Variants in IFRD1 observed in about 807,000 individuals in gnomAD.
IFRD1 encodes the protein interferon-related developmental regulator 1.
Under a neutral mutation model 52.9 loss-of-function variants are expected in IFRD1, and 35 were observed. That is an observed-to-expected ratio of 0.66 (90% confidence interval 0.51 to 0.88). The LOEUF (loss-of-function observed/expected upper bound fraction) is 0.88, where lower values mean the gene tolerates loss of function less well. Ranked by LOEUF, IFRD1 falls within the 40% of genes least tolerant of loss-of-function variation. The pLI, the probability that IFRD1 is intolerant of heterozygous loss-of-function variation, is 0.00. For synonymous variants in IFRD1, 184 were observed against 188.4 expected (o/e 0.98, Z 0.19); for missense variants, 517 against 550.8 (o/e 0.94, Z 0.61).
rs771377778 is a variant in IFRD1 at position 112,450,788 on chromosome 7, G to C, written c.94+6G>C. 88 of 1,603,136 alleles carry C rather than the reference G, an allele frequency of 5.5e-5. No homozygotes were observed. The highest frequency in any genetic ancestry group is 3.3e-4 in the Middle Eastern group (2 of 6,064). ...AGCGACGGCGGCGACAGCAGGTAAG[G>C]GGTATCCCCGCCGCCGGCATCCCAG... On this transcript the variant is annotated splice_donor_region_variant and intron_variant, in intron 1 of 11. Transcript: ENST00000403825.
Position 112,461,849 on chromosome 7 carries a change from T to C in IFRD1, c.568-17T>C. 1.5e-6 allele frequency: 2 copies of C among 1,310,526 alleles called. No homozygotes were observed. The highest frequency in any genetic ancestry group is 1.2e-5 in the South Asian group (1 of 81,008). The allele number at this position is 1,310,526 out of a possible 1,614,324, so 81.2% of individuals were successfully genotyped here. ...ATAAAATCATTAATGTCTATATATA[T>C]ATATTTTTTTTTTTAGTGTGCAACT... On this transcript the variant is annotated splice_polypyrimidine_tract_variant and intron_variant, in intron 5 of 11. Transcript: ENST00000403825.
intron 3 of IFRD1, among the ~76,000 whole-genome samples, chr7:112,456,382 A>T (rs143773207): frequency 6.6e-6 from 1 of 152,322 alleles, no homozygotes; most frequent in Non-Finnish European, 1.5e-5. Flanking sequence ...TTATAATAGA[A>T]ATGAATTTGT....
chr7:112,441,207 G>A (rs775551249), intron 1 of IFRD1, among the ~76,000 whole-genome samples: 2 of 152,038 alleles, frequency 1.3e-5, no homozygotes, highest in Non-Finnish European at 2.9e-5. Flanking sequence ...CCTGGGAGAC[G>A]GAGGTTGCAG....
intron 1 of IFRD1, among the ~76,000 whole-genome samples, chr7:112,436,148 C>G (rs915660343): frequency 6.6e-6 from 1 of 152,146 alleles, no homozygotes; most frequent in Non-Finnish European, 1.5e-5. Flanking sequence ...TCCCAAAGTG[C>G]TAGGATTACA....
chr7:112,475,573 T>C lies in IFRD1; in HGVS notation c.*54T>C. On this transcript the variant is annotated 3_prime_UTR_variant, in exon 12 of 12. Transcript: ENST00000403825. ...ATTTCTATTTTTTTTTCTATTTCAA[T>C]GTATTTAAACTCTAGACACAGTTTT... 8.9e-7 allele frequency: 1 copy of C among 1,119,022 alleles called. No homozygotes were observed. The highest frequency in any genetic ancestry group is 1.5e-5 in the African/African-American group (1 of 64,886). 69.3% of individuals were successfully genotyped at this position (1,119,022 alleles called of 1,614,324 possible).
At chr7:112,473,034 GT>G (rs1237954300) in intron 11 of IFRD1, among the ~76,000 whole-genome samples, 173 bp downstream of exon 11, 3 of 52,874 alleles carry the variant, frequency 5.7e-5, no homozygotes, top group Non-Finnish European at 1.8e-4. Context: ...GGGGGCGTGT[GT>G]GTGTGTGTGT....
chr7:112,467,845 C>A, intron 8 of IFRD1, 136 bp from the exon 9 acceptor site: 1 of 832,862 alleles, frequency 1.2e-6, no homozygotes, highest in Non-Finnish European at 2.0e-6. Flanking sequence ...TGTGCCTAGT[C>A]CCTAAATACC....
At chr7:112,472,052 A>G (rs1714386492) in intron 9 of IFRD1, among the ~76,000 whole-genome samples, 167 bp from the exon 10 acceptor site, 1 of 152,306 alleles carries the variant, frequency 6.6e-6, no homozygotes, top group East Asian at 1.9e-4. Flanking sequence ...ACACCCTTAC[A>G]TACAGGATAG....
chr7:112,424,176 T>G (rs985623446), intron 1 of IFRD1, among the ~76,000 whole-genome samples: 1 of 152,094 alleles, frequency 6.6e-6, no homozygotes, highest in Admixed American at 6.5e-5. Flanking sequence ...TGGTGTCTTA[T>G]CTACCCTGTG....
upstream of IFRD1, chr7:112,450,447 C>A: frequency 1.8e-6 from 1 of 558,980 alleles, no homozygotes; most frequent in South Asian, 2.0e-5. Flanking sequence ...GGCGTCGTGG[C>A]CTCCCCTGCC....
At chr7:112,451,292 C>A (rs922808757) in intron 1 of IFRD1, among the ~76,000 whole-genome samples, 2 of 152,146 alleles carry the variant, frequency 1.3e-5, no homozygotes, top group Non-Finnish European at 2.9e-5. Flanking sequence ...CCCGGGGTGA[C>A]GCAGAGGCGC....
intron 8 of IFRD1, among the ~76,000 whole-genome samples, chr7:112,466,837 A>G (rs1279293172): frequency 6.6e-6 from 1 of 152,158 alleles, no homozygotes; most frequent in Non-Finnish European, 1.5e-5. Context: ...TATAAATAAA[A>G]TTATTCCCAT....
intron 4 of IFRD1, chr7:112,458,153 C>T (rs931411754): frequency 5.3e-5 from 8 of 152,076 alleles, no homozygotes; most frequent in South Asian, 2.1e-4. Context: ...TTTTAGTTTG[C>T]GTATTTTTTA....
At chr7:112,436,133 T>C (rs1794684470) in intron 1 of IFRD1, among the ~76,000 whole-genome samples, 3 of 152,122 alleles carry the variant, frequency 2.0e-5, no homozygotes, top group Admixed American at 2.0e-4. Context: ...CTGCCCACTT[T>C]GGCCTCCCAA....
At chr7:112,463,786 TTGTATAAACATATATA>T (rs1002804241) in intron 8 of IFRD1, among the ~76,000 whole-genome samples, 2 of 151,456 alleles carry the variant, frequency 1.3e-5, no homozygotes, top group Non-Finnish European at 2.9e-5. Flanking sequence ...TTGTTTAAGT[TTGTATAAACATATATA>T]TAGACACATA....
chr7:112,433,629 T>C (rs1469873468), intron 1 of IFRD1, among the ~76,000 whole-genome samples: 1 of 152,214 alleles, frequency 6.6e-6, no homozygotes, highest in African/African-American at 2.4e-5. Flanking sequence ...GGTTTTGTTT[T>C]AGGAAAGGGC....
rs1422840368 is a variant in IFRD1, at chr7:112,472,361, T to C, written c.1170+14T>C. Reference sequence around the variant, plus strand: ...TACCACTTGCAGGTAAGTGTCATCCTTTCTACATATTTGCTTTTAAAGTAG... The same window carrying C: ...TACCACTTGCAGGTAAGTGTCATCCCTTCTACATATTTGCTTTTAAAGTAG... On this transcript the variant is annotated intron_variant, in intron 10 of 11. Coordinates refer to ENST00000403825, the MANE Select transcript of IFRD1 (RefSeq NM_001550.4). 1 of 1,613,904 alleles carries C rather than the reference T, an allele frequency of 6.2e-7. No individual in the cohort carries two copies. Among genetic ancestry groups the C allele is most frequent in the Admixed American group, 1.7e-5 (1 of 60,028 alleles).
intron 1 of IFRD1, chr7:112,452,481 C>A: frequency 1.0e-6 from 1 of 973,498 alleles, no homozygotes; most frequent in Non-Finnish European, 1.2e-6. Context: ...TTTTCCTCAT[C>A]TGAATCAAAC....
At chr7:112,471,357 C>T (rs887145616) in intron 9 of IFRD1, among the ~76,000 whole-genome samples, 5 of 152,096 alleles carry the variant, frequency 3.3e-5, no homozygotes, top group Admixed American at 2.0e-4. Flanking sequence ...GGTTGACGGT[C>T]TTTTCTATTA....
Sources: allele counts gnomAD v4.1 joint callset (sites outside exome capture counted in the v4.1 genomes callset), GRCh38; gene constraint gnomAD v4.1.1; transcripts MANE v1.5; gene names NCBI Gene and HGNC (gene_info 2026-07-23, HGNC 2026-07-21).